The following PPARGC1A variants were observed in gnomAD, a reference collection of about 807,000 sequenced individuals.
PPARGC1A encodes the protein peroxisome proliferator-activated receptor gamma coactivator 1-alpha.
Under a neutral mutation model 88.7 loss-of-function variants are expected in PPARGC1A, and 25 were observed. The ratio of observed to expected loss-of-function variants is 0.28; its 90% CI spans 0.21 to 0.39. PPARGC1A has a LOEUF of 0.39. PPARGC1A is among the 10% of genes least tolerant of loss of function. PPARGC1A has a pLI of 1.00. For missense variants in PPARGC1A, 880 were observed against 968.7 expected, an observed-to-expected ratio of 0.91 and a Z score of 1.22; for synonymous variants, 363 against 355.6, an observed-to-expected ratio of 1.02 and a Z score of -0.24.
the PPARGC1A span, among the ~76,000 whole-genome samples, chr4:24,406,731 C>A: frequency 6.6e-6 from 1 of 152,158 alleles, no homozygotes; most frequent in South Asian, 2.1e-4. Flanking sequence ...TTAGAGCTAG[C>A]AGCTCCAGCA....
At chr4:24,062,044 A>T in the PPARGC1A span, among the ~76,000 whole-genome samples, 4 of 152,238 alleles carry the variant, frequency 2.6e-5, no homozygotes. Flanking sequence ...ATACCATGCC[A>T]CAAAACTTAC....
chr4:24,242,102 T>C, the PPARGC1A span, among the ~76,000 whole-genome samples: 1 of 152,190 alleles, frequency 6.6e-6, no homozygotes, highest in East Asian at 1.9e-4. Flanking sequence ...GAGAGATCTC[T>C]TTACCCCTCA....
At chr4:24,318,673 A>T in the PPARGC1A span, among the ~76,000 whole-genome samples, 1 of 152,236 alleles carries the variant, frequency 6.6e-6, no homozygotes, top group Non-Finnish European at 1.5e-5. Flanking sequence ...CTATCGCCTA[A>T]ATCAGCCTTA....
At chr4:24,276,845 G>A in the PPARGC1A span, among the ~76,000 whole-genome samples, 1 of 152,202 alleles carries the variant, frequency 6.6e-6, no homozygotes, top group Non-Finnish European at 1.5e-5. Flanking sequence ...GAAGTATGGA[G>A]CACACGTGAG....
At chr4:24,023,927 T>C in the PPARGC1A span, among the ~76,000 whole-genome samples, 1 of 152,228 alleles carries the variant, frequency 6.6e-6, no homozygotes, top group East Asian at 1.9e-4. Flanking sequence ...TCAAAGCAGA[T>C]GGAAAGCTTC....
At chr4:23,929,906 A>G in the PPARGC1A span, among the ~76,000 whole-genome samples, 1 of 152,174 alleles carries the variant, frequency 6.6e-6, no homozygotes, top group Non-Finnish European at 1.5e-5. Flanking sequence ...TAACAACCCT[A>G]TGAGGAGGGT....
chr4:24,090,158 T>C, the PPARGC1A span, among the ~76,000 whole-genome samples: 2 of 152,156 alleles, frequency 1.3e-5, no homozygotes, highest in Non-Finnish European at 2.9e-5. Context: ...AAGGAAAACA[T>C]GCAAACGAAA....
At chr4:24,465,229 G>A in the PPARGC1A span, among the ~76,000 whole-genome samples, 1 of 152,088 alleles carries the variant, frequency 6.6e-6, no homozygotes. Context: ...GGGTGGGGGT[G>A]GATCTGGTAC....
the PPARGC1A span, among the ~76,000 whole-genome samples, chr4:24,157,461 G>A: frequency 1.3e-5 from 2 of 152,078 alleles, no homozygotes; most frequent in African/African-American, 2.4e-5. Context: ...AATCTCACCT[G>A]AGCATTAAAT....
At chr4:24,172,027 A>G in the PPARGC1A span, among the ~76,000 whole-genome samples, 6 of 152,142 alleles carry the variant, frequency 3.9e-5, no homozygotes, top group African/African-American at 1.4e-4. Context: ...CTATCTTACC[A>G]TTGTGTTCTG....
At chr4:24,045,540 G>A in the PPARGC1A span, among the ~76,000 whole-genome samples, 1 of 152,112 alleles carries the variant, frequency 6.6e-6, no homozygotes, top group African/African-American at 2.4e-5. Flanking sequence ...AGCTTCTGGT[G>A]GTTGCCAGGA....
the PPARGC1A span, among the ~76,000 whole-genome samples, chr4:24,128,531 AGTGTGTGTGTGTGTGTGTGTGTGTGT>A: frequency 4.3e-5 from 6 of 138,274 alleles, no homozygotes; most frequent in South Asian, 2.6e-4. Flanking sequence ...AGCCTGTCAC[AGTGTGTGTGTGTGTGTGTGTGTGTGT>A]GTGTGTGTGT....
chr4:23,921,169 G>A, the PPARGC1A span, among the ~76,000 whole-genome samples: 1 of 152,152 alleles, frequency 6.6e-6, no homozygotes, highest in Non-Finnish European at 1.5e-5. Context: ...GAATGGGGCT[G>A]ACTTTGATTC....
the PPARGC1A span, among the ~76,000 whole-genome samples, chr4:24,030,928 C>A: frequency 1.3e-5 from 2 of 152,104 alleles, no homozygotes; most frequent in Non-Finnish European, 2.9e-5. Flanking sequence ...ATTCAGGATG[C>A]AGGAAGCAAT....
the PPARGC1A span, among the ~76,000 whole-genome samples, chr4:24,466,353 G>T: frequency 6.6e-6 from 1 of 152,182 alleles, no homozygotes; most frequent in South Asian, 2.1e-4. Context: ...TGTACATGTG[G>T]CCACACAATT....
chr4:24,066,849 GTTTTTTTTTT>G, the PPARGC1A span, among the ~76,000 whole-genome samples: 32,829 of 101,832 alleles, frequency 0.32, 4,425 homozygotes, highest in Admixed American at 0.49. Context: ...TTTGTTTTGG[GTTTTTTTTTT>G]TTTTTTTTTT....
chr4:23,809,451 C>G (rs918425663), intron 10 of PPARGC1A, among the ~76,000 whole-genome samples: 1 of 152,080 alleles, frequency 6.6e-6, no homozygotes, highest in Non-Finnish European at 1.5e-5. Context: ...TCTCAGTGTT[C>G]CAATTAAACG....
the PPARGC1A span, among the ~76,000 whole-genome samples, chr4:24,030,417 A>G: frequency 6.6e-6 from 1 of 152,254 alleles, no homozygotes; most frequent in Non-Finnish European, 1.5e-5. Flanking sequence ...TTCAGTGTAA[A>G]TAAGTTAGAT....
chr4:24,241,563 T>C, the PPARGC1A span, among the ~76,000 whole-genome samples: 2 of 152,268 alleles, frequency 1.3e-5, no homozygotes, highest in African/African-American at 2.4e-5. Context: ...AGGCTCTTAA[T>C]GTGGGGGTTT....
Sources: gnomAD v4.1 joint callset for allele counts (sites outside exome capture counted in the v4.1 genomes callset) on GRCh38, gnomAD v4.1.1 for gene constraint, MANE v1.5 for transcripts, NCBI Gene and HGNC (gene_info 2026-07-23, HGNC 2026-07-21) for gene names.